Variants in GLRA2 observed in about 807,000 individuals in gnomAD.
GLRA2 encodes glycine receptor subunit alpha-2.
A neutral mutation model predicts 31.6 loss-of-function variants in GLRA2; 11 were observed. The ratio of observed to expected loss-of-function variants is 0.35; its 90% CI spans 0.22 to 0.58. The LOEUF (loss-of-function observed/expected upper bound fraction) is 0.58. Among genes scored for constraint, GLRA2 ranks in the 20% least tolerant of loss-of-function variants. The pLI is 0.84. For synonymous variants in GLRA2, 132 were observed against 134.0 expected (o/e 0.99, Z 0.10); for missense variants, 212 against 351.8 (o/e 0.60, Z 3.18).
At chrX:14,509,048 G>A in the GLRA2 span, among the ~76,000 whole-genome samples, 3 of 112,009 alleles carry the variant, frequency 2.7e-5, no homozygotes, top group African/African-American at 9.7e-5. Context: ...AAAAAGGAAT[G>A]TATAGTGGCA....
At chrX:14,530,269 T>C in intron 1 of GLRA2, 144 bp downstream of exon 1, 1 of 466,952 alleles carries the variant, frequency 2.1e-6, no homozygotes, top group South Asian at 3.4e-5. Context: ...TTAAAACGCC[T>C]AATAATTGTG....
At chrX:14,666,593 CAG>C (rs775437516) in intron 7 of GLRA2, among the ~76,000 whole-genome samples, 1 of 111,868 alleles carries the variant, frequency 8.9e-6, no homozygotes, top group East Asian at 2.8e-4. Context: ...TTGCAGCACT[CAG>C]GGCATTGATT....
At chrX:14,709,887 AAAG>A (rs1216048958) in intron 8 of GLRA2, among the ~76,000 whole-genome samples, 1 of 112,252 alleles carries the variant, frequency 8.9e-6, no homozygotes, top group Non-Finnish European at 1.9e-5. Flanking sequence ...CATATTCATT[AAAG>A]AAGAGCTAGC....
intron 7 of GLRA2, among the ~76,000 whole-genome samples, chrX:14,618,862 G>A (rs747655143): frequency 2.5e-4 from 28 of 111,619 alleles, no homozygotes; most frequent in Admixed American, 9.5e-5. Flanking sequence ...TTCTTTACAC[G>A]ACTGTACACA....
chrX:14,574,369 A>G lies in GLRA2; in HGVS notation c.239A>G (p.Asn80Ser), dbSNP rs1189335563. The change falls in exon 3 of 9, where the codon AAC (asparagine) becomes AGC (serine). Residue 80 changes from asparagine (N) to serine (S), a missense_variant. Asn to Ser is a conservative substitution (Grantham distance 46). Coordinates refer to ENST00000218075, the MANE Select transcript of GLRA2 (RefSeq NM_002063.4). The stretch of plus-strand genomic sequence containing the variant: ...AACGTTACTTGCAATATTTTTATCA[A>G]CAGTTTTGGATCAGTCACAGAAACG... ...PVNVTCNIFI[N>S]SFGSVTETTM... is the part of the protein sequence containing the mutation. 1 of 1,199,980 alleles carries G rather than the reference A, an allele frequency of 8.3e-7. No homozygotes were observed. The highest frequency in any genetic ancestry group is 1.1e-6 in the Non-Finnish European group (1 of 884,562).
At chrX:14,644,619 C>G (rs776630192) in intron 7 of GLRA2, among the ~76,000 whole-genome samples, 2 of 112,017 alleles carry the variant, frequency 1.8e-5, no homozygotes, top group Non-Finnish European at 3.8e-5. Flanking sequence ...ATTATCCTTA[C>G]TCACAGTGTT....
chrX:14,707,998 TTCCC>T (rs2091654496), intron 8 of GLRA2, among the ~76,000 whole-genome samples: 1 of 110,012 alleles, frequency 9.1e-6, no homozygotes, highest in Non-Finnish European at 1.9e-5. Context: ...CCTTCTTTCC[TTCCC>T]TCCCTCCTTC....
At chrX:14,717,790 AT>A (rs1354839630) in intron 8 of GLRA2, among the ~76,000 whole-genome samples, 1 of 110,018 alleles carries the variant, frequency 9.1e-6, no homozygotes, top group Non-Finnish European at 1.9e-5. Flanking sequence ...TTTATCAAGA[AT>A]TTTTTGAGCA....
chrX:14,543,236 CA>C (rs60906048), intron 2 of GLRA2, among the ~76,000 whole-genome samples: 134 of 23,361 alleles, frequency 5.7e-3, no homozygotes, highest in East Asian at 0.011. Flanking sequence ...TTGTCATCTG[CA>C]AAAAAAAAAA....
At chrX:14,535,351 C>T (rs1427656347) in intron 2 of GLRA2, among the ~76,000 whole-genome samples, 1 of 111,897 alleles carries the variant, frequency 8.9e-6, no homozygotes, top group Non-Finnish European at 1.9e-5. Context: ...ATGTCTATTC[C>T]ATATTCCTGA....
chrX:14,471,272 T>G, the GLRA2 span, among the ~76,000 whole-genome samples: 1 of 111,941 alleles, frequency 8.9e-6, no homozygotes, highest in East Asian at 2.8e-4. Flanking sequence ...TGATTGATGG[T>G]GATAGAAAAC....
chrX:14,631,540 G>T lies in GLRA2; in HGVS notation c.930+22335G>T, dbSNP rs749084537. On this transcript the variant is annotated intron_variant, in intron 7 of 8. Coordinates refer to ENST00000218075, the MANE Select transcript of GLRA2 (RefSeq NM_002063.4). ...TGAAACTTTCTGGGACAGTTACTTG[G>T]AACAATTTGATTTTTTTTTGTCTTG... Among the ~76,000 whole-genome samples, 8 of 110,099 alleles carry T rather than the reference G, an allele frequency of 7.3e-5. No homozygotes were observed. The East Asian group carries it at 2.3e-3, about 32-fold the overall frequency.
chrX:14,729,457 T>C (rs2091965763), intron 8 of GLRA2, among the ~76,000 whole-genome samples: 1 of 111,756 alleles, frequency 8.9e-6, no homozygotes, highest in Non-Finnish European at 1.9e-5. Flanking sequence ...AAGGAATAAA[T>C]ACAATTTTTC....
Position 14,730,482 on chromosome X carries a change from A to G in GLRA2, c.1356A>G (p.Lys452=), listed in dbSNP as rs1278023152. 10 of 1,194,521 alleles carry G rather than the reference A, an allele frequency of 8.4e-6. No individual in the cohort carries two copies. The highest frequency in any genetic ancestry group is 1.1e-5 in the Non-Finnish European group (10 of 882,035). Reference sequence around the variant, plus strand: ...TTCGGCATGAAGATGTCCACAAGAAATAGATGTGCCCTACAGACCCTGGGA... The same window carrying G: ...TTCGGCATGAAGATGTCCACAAGAAGTAGATGTGCCCTACAGACCCTGGGA... The part of the protein sequence containing the change: ...KIIRHEDVHK[K] The change falls in exon 9 of 9, where the codon AAA becomes AAG. Residue 452 remains lysine (K), a synonymous_variant. Coordinates refer to ENST00000218075, the MANE Select transcript of GLRA2 (RefSeq NM_002063.4).
At chrX:14,723,912 T>C (rs1013119680) in intron 8 of GLRA2, among the ~76,000 whole-genome samples, 2 of 112,019 alleles carry the variant, frequency 1.8e-5, no homozygotes, top group African/African-American at 6.5e-5. Flanking sequence ...GATTACTTTA[T>C]TGTTTCCCTT....
In GLRA2 at chrX:14,681,913, A is replaced by ATATATATATATATATATATG. The variant is rs1181280207; in HGVS notation, c.931-8780_931-8779insATGTATATATATATATATAT. On this transcript the variant is annotated intron_variant, in intron 7 of 8. Coordinates refer to ENST00000218075, the MANE Select transcript of GLRA2 (RefSeq NM_002063.4). ...TCTCAAAAAAAAAAAAAAAAAAAAT[A>ATATATATATATATATATATG]TATATATATATATATATGTATATAT... Among the ~76,000 whole-genome samples the ATATATATATATATATATATG allele has an allele frequency of 1.9e-3, 115 of 59,710 alleles. 1 individual carries two copies. The highest frequency in any genetic ancestry group is 5.6e-3 in the African/African-American group (97 of 17,247). The allele number at this position is 59,710 out of a possible 115,157, so 51.9% of individuals were successfully genotyped here.
chrX:14,463,132 T>C, the GLRA2 span, among the ~76,000 whole-genome samples: 1 of 111,735 alleles, frequency 8.9e-6, no homozygotes, highest in South Asian at 3.8e-4. Flanking sequence ...TGGAGTTTGC[T>C]GGAGGTCCAC....
intron 8 of GLRA2, among the ~76,000 whole-genome samples, 161 bp from the exon 9 acceptor site, chrX:14,730,046 T>C (rs1329774873): frequency 1.8e-5 from 2 of 112,088 alleles, no homozygotes; most frequent in African/African-American, 6.5e-5. Flanking sequence ...ATCTGTTCCA[T>C]GAATAATTGA....
At chrX:14,584,642 C>A (rs189120839) in intron 4 of GLRA2, among the ~76,000 whole-genome samples, 171 of 112,387 alleles carry the variant, frequency 1.5e-3, no homozygotes, top group African/African-American at 5.4e-3. Flanking sequence ...AACCAGGAAA[C>A]TTCCCCCAGT....
Sources: allele counts gnomAD v4.1 joint callset (sites outside exome capture counted in the v4.1 genomes callset), GRCh38; gene constraint gnomAD v4.1.1; transcripts MANE v1.5; gene names NCBI Gene and HGNC (gene_info 2026-07-23, HGNC 2026-07-21).